SEMA5A: variants seen among roughly 807,000 people sequenced by gnomAD.
SEMA5A encodes semaphorin-5A.
In SEMA5A, 55 loss-of-function variants were observed where a neutral mutation model predicts 135.5. That is an observed-to-expected ratio of 0.41 (90% CI 0.33 to 0.51). SEMA5A has a LOEUF of 0.51. Among genes scored for constraint, SEMA5A ranks in the 20% least tolerant of loss-of-function variants. The probability of loss-of-function intolerance (pLI) is 0.37; values close to 1 mark genes in which losing one functional copy is unlikely to be tolerated. For synonymous variants in SEMA5A, 580 were observed against 546.5 expected, an observed-to-expected ratio of 1.06 and a Z score of -0.85; for missense variants, 1,290 against 1,419.9, an observed-to-expected ratio of 0.91 and a Z score of 1.47.
chr5:9,242,303 C>T (rs1176589036), intron 5 of SEMA5A, among the ~76,000 whole-genome samples: 1 of 152,178 alleles, frequency 6.6e-6, no homozygotes, highest in Non-Finnish European at 1.5e-5. Context: ...GTCAGGGTCA[C>T]ACAAGTGTCA....
At chr5:9,366,039 T>C (rs920492500) in intron 3 of SEMA5A, among the ~76,000 whole-genome samples, 1 of 152,194 alleles carries the variant, frequency 6.6e-6, no homozygotes, top group Non-Finnish European at 1.5e-5. Context: ...ACTAACTATC[T>C]ATTACCTGAA....
intron 8 of SEMA5A, among the ~76,000 whole-genome samples, chr5:9,221,387 C>G (rs955033883): frequency 6.7e-6 from 1 of 149,300 alleles, no homozygotes; most frequent in African/African-American, 2.5e-5. Context: ...ACTGCAAGCT[C>G]CGCCTCCCGG....
At chr5:9,410,293 T>C (rs1757058530) in intron 2 of SEMA5A, among the ~76,000 whole-genome samples, 1 of 152,208 alleles carries the variant, frequency 6.6e-6, no homozygotes, top group African/African-American at 2.4e-5. Flanking sequence ...TAAAATACAG[T>C]ATGTATGACT....
chr5:9,185,599 A>G (rs562901422), intron 11 of SEMA5A, among the ~76,000 whole-genome samples: 111 of 152,306 alleles, frequency 7.3e-4, no homozygotes, highest in Non-Finnish European at 1.3e-3. Context: ...TTTAAAAAAT[A>G]TATTTATTGA....
chr5:9,043,588 C>T (rs1046638905), intron 22 of SEMA5A, among the ~76,000 whole-genome samples: 1 of 152,134 alleles, frequency 6.6e-6, no homozygotes, highest in African/African-American at 2.4e-5. Flanking sequence ...AGAGCTTCAA[C>T]TGAGCCAGGT....
intron 5 of SEMA5A, among the ~76,000 whole-genome samples, chr5:9,318,126 C>T (rs540467160): frequency 5.9e-4 from 90 of 152,180 alleles, no homozygotes; most frequent in Non-Finnish European, 1.1e-3. Flanking sequence ...TAAGGAAGGA[C>T]AAATCAGGAT....
At chr5:9,310,392 T>C (rs1752072446) in intron 5 of SEMA5A, among the ~76,000 whole-genome samples, 1 of 152,120 alleles carries the variant, frequency 6.6e-6, no homozygotes, top group Admixed American at 6.6e-5. Context: ...TGAAAGATTT[T>C]AATAAAAATA....
At chr5:9,082,200 C>T (rs1738424521) in intron 16 of SEMA5A, among the ~76,000 whole-genome samples, 1 of 152,138 alleles carries the variant, frequency 6.6e-6, no homozygotes, top group African/African-American at 2.4e-5. Flanking sequence ...GGGTGCATCC[C>T]TACTGTTTTG....
In SEMA5A at chr5:9,036,080, C is replaced by T. The variant is rs1261912250; in HGVS notation, c.*6817G>A. ...CATCTTTAAAAGTTACATCAAGCGG[C>T]ATAGCACAAAAGTTTTGCTATGCAC... On this transcript the variant is annotated 3_prime_UTR_variant, in exon 23 of 23. Coordinates refer to ENST00000382496, the MANE Select transcript of SEMA5A (RefSeq NM_003966.3). 6.6e-6 allele frequency: 1 copy of T among 151,960 alleles called. No homozygotes were observed. The highest frequency in any genetic ancestry group is 1.5e-5 in the Non-Finnish European group (1 of 68,002). The allele number at this position is 151,960 out of a possible 1,614,324, so 9.4% of individuals were successfully genotyped here. A position where few individuals can be genotyped will look rare whatever the true frequency, so the allele number is the denominator to read the frequency against.
chr5:9,489,690 G>T (rs1734906554), intron 1 of SEMA5A, among the ~76,000 whole-genome samples: 1 of 152,126 alleles, frequency 6.6e-6, no homozygotes, highest in South Asian at 2.1e-4. Flanking sequence ...TTGAAAAAGG[G>T]CTTGGAGGCT....
At chr5:9,538,095 G>A (rs958828000) in intron 1 of SEMA5A, among the ~76,000 whole-genome samples, 1 of 152,186 alleles carries the variant, frequency 6.6e-6, no homozygotes, top group Non-Finnish European at 1.5e-5. Context: ...CAAGGTGGGA[G>A]AGCTAAAGAC....
At chr5:9,299,386 G>A (rs1334851016) in intron 5 of SEMA5A, among the ~76,000 whole-genome samples, 1 of 152,154 alleles carries the variant, frequency 6.6e-6, no homozygotes, top group East Asian at 1.9e-4. Flanking sequence ...GTGGAGATGG[G>A]CCTGGAAGGT....
rs558469555 is a variant in SEMA5A at position 9,409,641 on chromosome 5, T to C, written c.-78+28115A>G. ...GATTTACTGGCTGACCTTCAGACCA[T>C]CTTAAGCCTTTCCATGACTAAGTTT... On this transcript the variant is annotated intron_variant, in intron 2 of 22. Transcript: ENST00000382496. Among the ~76,000 whole-genome samples, 8 of 152,338 alleles carry C rather than the reference T, an allele frequency of 5.3e-5. No homozygotes were observed. In the East Asian group the frequency reaches 9.6e-4, roughly 18 times the overall value.
At chr5:9,518,049 C>T (rs1413869907) in intron 1 of SEMA5A, 1 of 152,082 alleles carries the variant, frequency 6.6e-6, no homozygotes, top group Non-Finnish European at 1.5e-5. Context: ...TTGCAATTCA[C>T]AAAGAGCAGA....
At chr5:9,382,797 T>C (rs1039275231) in intron 2 of SEMA5A, among the ~76,000 whole-genome samples, 24 of 152,266 alleles carry the variant, frequency 1.6e-4, no homozygotes, top group African/African-American at 5.5e-4. Flanking sequence ...ACCATGGAGT[T>C]GATATAAGGA....
At chr5:9,264,520 A>G (rs1454308327) in intron 5 of SEMA5A, among the ~76,000 whole-genome samples, 2 of 152,226 alleles carry the variant, frequency 1.3e-5, no homozygotes, top group African/African-American at 4.8e-5. Flanking sequence ...TGATTTTACA[A>G]AGAAATGAAG....
intron 1 of SEMA5A, among the ~76,000 whole-genome samples, chr5:9,493,193 A>G (rs1386367002): frequency 6.6e-6 from 1 of 151,740 alleles, no homozygotes; most frequent in Non-Finnish European, 1.5e-5. Flanking sequence ...ATAAAGCCTA[A>G]CAGTTCATAA....
At chr5:9,299,755 A>G (rs1213156952) in intron 5 of SEMA5A, among the ~76,000 whole-genome samples, 49 of 152,178 alleles carry the variant, frequency 3.2e-4, no homozygotes, top group Non-Finnish European at 5.9e-5. Context: ...TGAAACTCTA[A>G]AATGCCAAAG....
intron 11 of SEMA5A, among the ~76,000 whole-genome samples, chr5:9,155,997 T>C (rs1742932686): frequency 6.6e-6 from 1 of 152,200 alleles, no homozygotes; most frequent in African/African-American, 2.4e-5. Flanking sequence ...TGCTACTTTT[T>C]AAAAAGGTCA....
Sources: gnomAD v4.1 joint callset for allele counts (sites outside exome capture counted in the v4.1 genomes callset) on GRCh38, gnomAD v4.1.1 for gene constraint, MANE v1.5 for transcripts, NCBI Gene and HGNC (gene_info 2026-07-23, HGNC 2026-07-21) for gene names.